GUCY1A2: variants seen among roughly 807,000 people sequenced by gnomAD.
GUCY1A2 encodes the protein guanylate cyclase soluble subunit alpha-2.
GUCY1A2 carries 27 observed loss-of-function variants against 63.5 expected under a neutral mutation model. That is an observed-to-expected ratio of 0.43 (90% CI 0.31 to 0.59). GUCY1A2 has a LOEUF of 0.59. Ranked by LOEUF, GUCY1A2 falls within the 20% of genes least tolerant of loss-of-function variation. The probability of loss-of-function intolerance (pLI) is 0.11; values close to 1 mark genes in which losing one functional copy is unlikely to be tolerated. For synonymous variants in GUCY1A2, 364 were observed against 343.5 expected (o/e 1.06, Z -0.66); for missense variants, 768 against 913.3 (o/e 0.84, Z 2.05).
intron 3 of GUCY1A2, among the ~76,000 whole-genome samples, chr11:106,971,615 T>C (rs1289382841): frequency 6.6e-6 from 1 of 152,062 alleles, no homozygotes; most frequent in Non-Finnish European, 1.5e-5. Flanking sequence ...CATATGGTAA[T>C]GGAGTAAAGT....
At chr11:106,897,793 T>C (rs191485256) in intron 4 of GUCY1A2, among the ~76,000 whole-genome samples, 1 of 151,484 alleles carries the variant, frequency 6.6e-6, no homozygotes, top group East Asian at 1.9e-4. Flanking sequence ...ACAACTTGAG[T>C]TTGGCAATGA....
intron 4 of GUCY1A2, among the ~76,000 whole-genome samples, chr11:106,907,348 C>A (rs1455246053): frequency 2.6e-5 from 4 of 151,924 alleles, no homozygotes; most frequent in Admixed American, 6.6e-5. Flanking sequence ...TTTAGGGTGA[C>A]AATTCATTTG....
chr11:107,011,304 T>A (rs1861740851), intron 1 of GUCY1A2, among the ~76,000 whole-genome samples: 5 of 151,910 alleles, frequency 3.3e-5, no homozygotes. Flanking sequence ...TATTTTCCTA[T>A]CATATTCAAT....
intron 4 of GUCY1A2, among the ~76,000 whole-genome samples, chr11:106,845,390 G>A (rs1198111462): frequency 6.6e-6 from 1 of 151,438 alleles, no homozygotes; most frequent in African/African-American, 2.4e-5. Context: ...ACAATTGGGT[G>A]TTTCTTAACT....
At chr11:106,704,933 C>T (rs1862882273) in intron 7 of GUCY1A2, among the ~76,000 whole-genome samples, 2 of 150,906 alleles carry the variant, frequency 1.3e-5, no homozygotes. Context: ...ATTAATGGTG[C>T]ATATATTATG....
chr11:106,841,627 G>A (rs190129944), intron 4 of GUCY1A2, among the ~76,000 whole-genome samples: 58 of 151,998 alleles, frequency 3.8e-4, no homozygotes, highest in Admixed American at 3.5e-3. Flanking sequence ...AGTGTCCTTA[G>A]CAGTGCCTAC....
intron 4 of GUCY1A2, among the ~76,000 whole-genome samples, chr11:106,921,388 T>G (rs1860442057): frequency 6.6e-6 from 1 of 152,010 alleles, no homozygotes; most frequent in African/African-American, 2.4e-5. Context: ...CATGTGATCT[T>G]AAGACAAAAT....
intron 4 of GUCY1A2, among the ~76,000 whole-genome samples, chr11:106,858,696 A>T (rs886375185): frequency 3.9e-5 from 6 of 152,100 alleles, no homozygotes; most frequent in Admixed American, 3.9e-4. Flanking sequence ...TGAGAGACAA[A>T]TTCCTTTGAC....
In GUCY1A2 at chr11:106,683,557, G is replaced by A. The variant is rs562124941; in HGVS notation, c.*3992C>T. 10 of 228,266 alleles carry A rather than the reference G, an allele frequency of 4.4e-5. No individual in the cohort carries two copies. The highest frequency in any genetic ancestry group is 1.6e-4 in the African/African-American group (7 of 45,136). The allele number at this position is 228,266 out of a possible 1,614,324, so 14.1% of individuals were successfully genotyped here. The stretch of plus-strand genomic sequence containing the variant: ...TGTGTGTGGTCCTTCCTATCCGCCT[G>A]AATGAGGCACCAGCAACCCTTTCTG... On this transcript the variant is annotated 3_prime_UTR_variant, in exon 8 of 8. Transcript: ENST00000526355.
intron 4 of GUCY1A2, among the ~76,000 whole-genome samples, chr11:106,844,180 T>A (rs930204265): frequency 1.3e-5 from 2 of 151,880 alleles, no homozygotes; most frequent in African/African-American, 4.8e-5. Flanking sequence ...TAAGTATTTT[T>A]AACCTCAGGT....
chr11:106,893,543 T>G (rs1217934080), intron 4 of GUCY1A2, among the ~76,000 whole-genome samples: 1 of 152,190 alleles, frequency 6.6e-6, no homozygotes, highest in Non-Finnish European at 1.5e-5. Context: ...TATATGGTGG[T>G]GGCCTCCAGT....
intron 4 of GUCY1A2, among the ~76,000 whole-genome samples, chr11:106,857,645 G>A (rs1242287849): frequency 2.6e-5 from 4 of 152,048 alleles, no homozygotes; most frequent in Non-Finnish European, 4.4e-5. Context: ...TGTATCTGTG[G>A]GCTCCACATC....
chr11:106,891,026 T>G (rs1859966163), intron 4 of GUCY1A2, among the ~76,000 whole-genome samples: 1 of 152,176 alleles, frequency 6.6e-6, no homozygotes, highest in African/African-American at 2.4e-5. Context: ...AGGGTAGAAG[T>G]ATGATTAACA....
rs184805015 is a variant in GUCY1A2 at position 106,772,310 on chromosome 11, C to T, written c.1836+4129G>A. Among the ~76,000 whole-genome samples the T allele has an allele frequency of 2.6e-5, 4 of 152,204 alleles. No individual in the cohort carries two copies. The South Asian group carries it at 8.3e-4, about 32-fold the overall frequency. ...TATTATAATAACTTGTAATTTAAAT[C>T]ACCTAAAAACTTACATAATTTGAGG... On this transcript the variant is annotated intron_variant, in intron 6 of 7. Transcript: ENST00000526355.
intron 4 of GUCY1A2, among the ~76,000 whole-genome samples, chr11:106,843,295 G>A (rs996276858): frequency 6.6e-6 from 1 of 151,874 alleles, no homozygotes; most frequent in African/African-American, 2.4e-5. Flanking sequence ...AAGGATGGGG[G>A]TTGGTGAGAA....
chr11:106,987,762 C>G (rs2120145227), intron 1 of GUCY1A2, among the ~76,000 whole-genome samples: 1 of 152,234 alleles, frequency 6.6e-6, no homozygotes. Context: ...CTCTCCCTAC[C>G]TAACACTCTT....
intron 7 of GUCY1A2, among the ~76,000 whole-genome samples, chr11:106,705,153 C>T (rs1334830857): frequency 2.0e-5 from 3 of 151,662 alleles, no homozygotes; most frequent in African/African-American, 7.3e-5. Flanking sequence ...GAAAATATAC[C>T]GAAGTGTTGA....
chr11:106,899,327 A>G (rs1325524206), intron 4 of GUCY1A2, among the ~76,000 whole-genome samples: 1 of 152,186 alleles, frequency 6.6e-6, no homozygotes, highest in Non-Finnish European at 1.5e-5. Flanking sequence ...GCATTTCCAG[A>G]AACAGTTTAA....
Position 106,908,308 on chromosome 11 carries a change from T to C in GUCY1A2, c.1206+31152A>G, listed in dbSNP as rs144302457. Reference sequence around the variant, plus strand: ...ATCTATAAATATAACGTAGTCTTAATCAAAATTCTAGTTGAATATTCTGAA... The same window carrying C: ...ATCTATAAATATAACGTAGTCTTAACCAAAATTCTAGTTGAATATTCTGAA... On this transcript the variant is annotated intron_variant, in intron 4 of 7. Transcript: ENST00000526355. Among the ~76,000 whole-genome samples, 420 of 152,142 alleles carry C rather than the reference T, an allele frequency of 2.8e-3. 1 individual carries two copies. Among genetic ancestry groups the C allele is most frequent in the African/African-American group, 9.5e-3 (395 of 41,530 alleles).
Sources: allele counts gnomAD v4.1 joint callset (sites outside exome capture counted in the v4.1 genomes callset), GRCh38; gene constraint gnomAD v4.1.1; transcripts MANE v1.5; gene names NCBI Gene and HGNC (gene_info 2026-07-23, HGNC 2026-07-21).